ARHGAP12: variants seen among roughly 807,000 people sequenced by gnomAD.
ARHGAP12 encodes the protein rho GTPase-activating protein 12.
In ARHGAP12, 64 loss-of-function variants were observed where a neutral mutation model predicts 108.6. The observed-to-expected ratio is 0.59, with a 90% CI of 0.48 to 0.73. The LOEUF (loss-of-function observed/expected upper bound fraction) is 0.73, where lower values mean the gene tolerates loss of function less well. ARHGAP12 is among the 30% of genes least tolerant of loss of function. ARHGAP12 has a pLI of 0.00. For missense variants in ARHGAP12, 940 were observed against 1,005.9 expected (o/e 0.93, Z 0.89); for synonymous variants, 312 against 337.2 (o/e 0.93, Z 0.82).
At chr10:31,816,567 C>T (rs1334904397) in intron 13 of ARHGAP12, among the ~76,000 whole-genome samples, 1 of 152,196 alleles carries the variant, frequency 6.6e-6, no homozygotes, top group Non-Finnish European at 1.5e-5. Flanking sequence ...GAACAGACTA[C>T]TGTGACTAGA....
intron 13 of ARHGAP12, among the ~76,000 whole-genome samples, chr10:31,817,320 A>G (rs1375926513): frequency 6.6e-6 from 1 of 152,220 alleles, no homozygotes; most frequent in Non-Finnish European, 1.5e-5. Flanking sequence ...GAAATATACT[A>G]GGAACACAAG....
chr10:31,820,575 C>T, intron 11 of ARHGAP12, 87 bp from the exon 12 acceptor site: 1 of 654,784 alleles, frequency 1.5e-6, no homozygotes, highest in Non-Finnish European at 2.3e-6. Flanking sequence ...TTTATATTAA[C>T]AATAAATCAA....
chr10:31,857,438 A>G (rs544259941), intron 4 of ARHGAP12, among the ~76,000 whole-genome samples: 3 of 152,316 alleles, frequency 2.0e-5, no homozygotes, highest in Admixed American at 6.5e-5. Flanking sequence ...GCACAGAGAG[A>G]CATGGATGAA....
chr10:31,813,440 A>G (rs988627434), intron 14 of ARHGAP12, among the ~76,000 whole-genome samples: 4 of 152,182 alleles, frequency 2.6e-5, no homozygotes, highest in African/African-American at 9.6e-5. Flanking sequence ...TTCAAAAGGT[A>G]TATTTCTTGA....
At position 31,843,446 on chromosome 10, in the gene ARHGAP12, T is replaced by G. The variant is rs1245649060; in HGVS notation, c.1296+15A>C. On this transcript the variant is annotated intron_variant, in intron 7 of 19. Transcript: ENST00000344936. ...TATAATGCAAAGAACTTGCCAAAAATCTCAACAGTCCTACCTTATCATTAG... is the reference window on the plus strand; with the variant it reads ...TATAATGCAAAGAACTTGCCAAAAAGCTCAACAGTCCTACCTTATCATTAG... The G allele has an allele frequency of 7.5e-6, 12 of 1,606,066 alleles. No individual in the cohort carries two copies. The highest frequency in any genetic ancestry group is 1.7e-4 in the Middle Eastern group (1 of 6,058).
chr10:31,822,472 T>C (rs2132173603), intron 11 of ARHGAP12, among the ~76,000 whole-genome samples: 1 of 152,332 alleles, frequency 6.6e-6, no homozygotes, highest in African/African-American at 2.4e-5. Flanking sequence ...GATACAATTC[T>C]ATATGCAGAC....
chr10:31,920,889 A>G (rs1044695130), intron 1 of ARHGAP12, among the ~76,000 whole-genome samples: 1 of 152,208 alleles, frequency 6.6e-6, no homozygotes, highest in Non-Finnish European at 1.5e-5. Context: ...CAATCACAAT[A>G]AAATTAAATT....
At chr10:31,905,155 T>C (rs1478693814) in intron 3 of ARHGAP12, among the ~76,000 whole-genome samples, 1 of 152,038 alleles carries the variant, frequency 6.6e-6, no homozygotes, top group Non-Finnish European at 1.5e-5. Context: ...TAGTAATATT[T>C]ACACCCTTGC....
intron 10 of ARHGAP12, among the ~76,000 whole-genome samples, chr10:31,827,868 A>G (rs2132190996): frequency 6.6e-6 from 1 of 152,238 alleles, no homozygotes; most frequent in African/African-American, 2.4e-5. Context: ...GTAGAATTTA[A>G]TATCTATCAA....
chr10:31,850,706 T>C (rs1404375046), intron 6 of ARHGAP12, among the ~76,000 whole-genome samples: 1 of 152,168 alleles, frequency 6.6e-6, no homozygotes, highest in Non-Finnish European at 1.5e-5. Flanking sequence ...CAATGAAATA[T>C]TTGGAAAATA....
At chr10:31,852,859 T>G (rs983830760) in intron 5 of ARHGAP12, among the ~76,000 whole-genome samples, 1 of 150,112 alleles carries the variant, frequency 6.7e-6, no homozygotes, top group Non-Finnish European at 1.5e-5. Context: ...CCCGAGTAGC[T>G]GGGATTACAG....
intron 3 of ARHGAP12, among the ~76,000 whole-genome samples, chr10:31,878,275 T>C (rs554698016): frequency 3.9e-5 from 6 of 152,248 alleles, no homozygotes; most frequent in East Asian, 1.9e-4. Context: ...CTGAATGAGG[T>C]TGTAATCATA....
intron 9 of ARHGAP12, among the ~76,000 whole-genome samples, chr10:31,834,587 A>C (rs150940393): frequency 6.6e-6 from 1 of 152,328 alleles, no homozygotes; most frequent in Non-Finnish European, 1.5e-5. Flanking sequence ...AGACACCCTT[A>C]ATGCAAAGTA....
chr10:31,835,293 AAT>A (rs1241535583), intron 9 of ARHGAP12, among the ~76,000 whole-genome samples: 1 of 152,152 alleles, frequency 6.6e-6, no homozygotes, highest in Non-Finnish European at 1.5e-5. Context: ...AAAATCAACC[AAT>A]GTTTTTGTGT....
At chr10:31,832,756 T>C (rs895403064) in intron 9 of ARHGAP12, among the ~76,000 whole-genome samples, 4 of 152,214 alleles carry the variant, frequency 2.6e-5, no homozygotes, top group Non-Finnish European at 5.9e-5. Flanking sequence ...TCAGAAAATA[T>C]ACATTTTTCT....
intron 4 of ARHGAP12, among the ~76,000 whole-genome samples, chr10:31,860,437 C>T (rs991954475): frequency 6.6e-6 from 1 of 152,196 alleles, no homozygotes; most frequent in African/African-American, 2.4e-5. Flanking sequence ...CCCAAGGCCT[C>T]TTGCCAGACT....
At chr10:31,903,069 C>T (rs1838992906) in intron 3 of ARHGAP12, among the ~76,000 whole-genome samples, 1 of 152,156 alleles carries the variant, frequency 6.6e-6, no homozygotes, top group Admixed American at 6.5e-5. Flanking sequence ...CCAGTCCACC[C>T]TGCAAATTCT....
At chr10:31,831,158 CAAAT>C (rs371343420) in intron 10 of ARHGAP12, among the ~76,000 whole-genome samples, 3 of 152,008 alleles carry the variant, frequency 2.0e-5, no homozygotes, top group African/African-American at 4.8e-5. Flanking sequence ...TTAAAACGTG[CAAAT>C]AAATAATGGG....
intron 3 of ARHGAP12, among the ~76,000 whole-genome samples, chr10:31,895,147 TAGA>T (rs1452631999): frequency 6.6e-6 from 1 of 152,178 alleles, no homozygotes; most frequent in Non-Finnish European, 1.5e-5. Flanking sequence ...ATAAAAACCC[TAGA>T]AGAAAACTTA....
Sources: gnomAD v4.1 joint callset for allele counts (sites outside exome capture counted in the v4.1 genomes callset) on GRCh38, gnomAD v4.1.1 for gene constraint, MANE v1.5 for transcripts, NCBI Gene and HGNC (gene_info 2026-07-23, HGNC 2026-07-21) for gene names.